The following PCNX1 variants were observed in gnomAD, a reference collection of about 807,000 sequenced individuals.
The protein encoded by PCNX1 is pecanex 1.
In PCNX1, 78 loss-of-function variants were observed where a neutral mutation model predicts 242.2. The observed-to-expected ratio is 0.32, with a 90% CI of 0.27 to 0.39. The LOEUF is 0.39. Among genes scored for constraint, PCNX1 ranks in the 10% least tolerant of loss-of-function variants. The pLI is 1.00. For synonymous variants in PCNX1, 1,024 were observed against 1,032.9 expected (o/e 0.99, Z 0.17); for missense variants, 2,581 against 2,856.5 (o/e 0.90, Z 2.20).
chr14:71,067,050 G>T (rs1476034981), intron 26 of PCNX1, among the ~76,000 whole-genome samples: 1 of 151,926 alleles, frequency 6.6e-6, no homozygotes, highest in Non-Finnish European at 1.5e-5. Context: ...TGTTCATCAG[G>T]TATATTGGCC....
chr14:71,079,772 C>A (rs2061806165), intron 28 of PCNX1, among the ~76,000 whole-genome samples: 1 of 151,804 alleles, frequency 6.6e-6, no homozygotes, highest in East Asian at 1.9e-4. Flanking sequence ...TGGATATTAG[C>A]CCTTTGTCAG....
At position 71,102,152 on chromosome 14, in the gene PCNX1, G is replaced by T. The variant is rs765866576; in HGVS notation, c.5752G>T (p.Asp1918Tyr). The change falls in exon 31 of 36, where the codon GAT (aspartate) becomes TAT (tyrosine). Residue 1918 changes from aspartate (D) to tyrosine (Y), a missense_variant. By Grantham distance (160) the Asp-to-Tyr change is radical (BLOSUM62 -3). Transcript: ENST00000304743. ...CTTGCTTGCTCTGCGGCATGTCATGGATGATGGCACCAATGAATATAAAAT... is the reference window on the plus strand; with the variant it reads ...CTTGCTTGCTCTGCGGCATGTCATGTATGATGGCACCAATGAATATAAAAT... ...PSLLALRHVM[D>Y]DGTNEYKIIM... 6.2e-7 allele frequency: 1 copy of T among 1,614,018 alleles called. No homozygotes were observed. The highest frequency in any genetic ancestry group is 8.5e-7 in the Non-Finnish European group (1 of 1,180,014).
intron 31 of PCNX1, 52 bp downstream of exon 31, chr14:71,102,272 G>A: frequency 7.0e-7 from 1 of 1,434,354 alleles, no homozygotes; most frequent in Non-Finnish European, 9.7e-7. Flanking sequence ...TGAATAACTT[G>A]ATCTAAAATT....
intron 2 of PCNX1, among the ~76,000 whole-genome samples, chr14:70,961,219 G>T (rs1381034362): frequency 6.6e-6 from 1 of 152,090 alleles, no homozygotes; most frequent in African/African-American, 2.4e-5. Flanking sequence ...TCAATCCTAA[G>T]CCAAAAGAAC....
At chr14:70,939,142 T>C (rs1361155688) in intron 1 of PCNX1, among the ~76,000 whole-genome samples, 1 of 152,214 alleles carries the variant, frequency 6.6e-6, no homozygotes, top group Non-Finnish European at 1.5e-5. Context: ...TCAGTTCTGC[T>C]CTGATCTTAG....
chr14:70,914,030 CTT>C (rs1272533723), intron 1 of PCNX1, among the ~76,000 whole-genome samples: 1 of 152,086 alleles, frequency 6.6e-6, no homozygotes, highest in Non-Finnish European at 1.5e-5. Context: ...AGATATAACT[CTT>C]ATGTATTATA....
chr14:71,103,621 C>G lies in PCNX1; in HGVS notation c.6047C>G (p.Pro2016Arg). The change falls in exon 32 of 36, where the codon CCT becomes CGT. Residue 2016 changes from proline to arginine, a missense_variant. By Grantham distance (103) the Pro-to-Arg change is moderately radical. Around this residue, in one of 9 missense-constraint regions of PCNX1, gnomAD observed 432 missense variants for 433.6 expected, o/e 1.00. Coordinates refer to ENST00000304743, the MANE Select transcript of PCNX1 (RefSeq NM_014982.3). ...HEQLKDILGG[P>R]ISLGNIRNFI... is the part of the protein sequence containing the mutation. ...CAGCTTAAAGACATTCTTGGGGGTC[C>G]TATCAGCTTGGGAAATATCAGGAAC... 1 of 1,614,116 alleles carries G rather than the reference C, an allele frequency of 6.2e-7. No homozygotes were observed. Among genetic ancestry groups the G allele is most frequent in the Non-Finnish European group, 8.5e-7 (1 of 1,179,970 alleles).
At chr14:70,929,879 C>T (rs2056726332) in intron 1 of PCNX1, among the ~76,000 whole-genome samples, 1 of 152,010 alleles carries the variant, frequency 6.6e-6, no homozygotes, top group South Asian at 2.1e-4. Flanking sequence ...AAAGGATATA[C>T]GTAACATTTT....
chr14:70,958,572 T>C (rs780358245), intron 2 of PCNX1, among the ~76,000 whole-genome samples: 4 of 152,150 alleles, frequency 2.6e-5, no homozygotes, highest in Admixed American at 6.5e-5. Flanking sequence ...CAGTCTCTGT[T>C]CTTTTCTATT....
At chr14:71,040,314 C>T (rs2060668380) in intron 19 of PCNX1, among the ~76,000 whole-genome samples, 1 of 152,118 alleles carries the variant, frequency 6.6e-6, no homozygotes, top group Non-Finnish European at 1.5e-5. Context: ...ACTGTCTTCT[C>T]CCTTTTATTG....
At chr14:70,993,848 G>T (rs2059246539) in intron 7 of PCNX1, among the ~76,000 whole-genome samples, 1 of 152,136 alleles carries the variant, frequency 6.6e-6, no homozygotes, top group African/African-American at 2.4e-5. Context: ...GGTAAGGTTT[G>T]TGGATAAGTT....
intron 1 of PCNX1, among the ~76,000 whole-genome samples, chr14:70,910,218 C>CCTCCTTCTCCTCCTCCTCCTCCTCCTT: frequency 1.4e-5 from 1 of 69,440 alleles, no homozygotes; most frequent in Non-Finnish European, 3.3e-5. Flanking sequence ...TCCTCCTCCT[C>CCTCCTTCTCCTCCTCCTCCTCCTCCTT]CTCCTCCTCC....
At chr14:71,000,176 C>A (rs2059461858) in intron 8 of PCNX1, among the ~76,000 whole-genome samples, 1 of 151,968 alleles carries the variant, frequency 6.6e-6, no homozygotes, top group South Asian at 2.1e-4. Flanking sequence ...AAAAATACTT[C>A]ATTATATTTC....
At position 70,949,030 on chromosome 14, in the gene PCNX1, G is replaced by A. The variant is rs370596051; in HGVS notation, c.362+1907G>A. On this transcript the variant is annotated intron_variant, in intron 2 of 35. Transcript: ENST00000304743. ...TTACTCGTATAAATAAAATGTGTGT[G>A]TATATATACACATGTATATATAGAT... Among the ~76,000 whole-genome samples, 52 of 145,524 alleles carry A rather than the reference G, an allele frequency of 3.6e-4. No homozygotes were observed. The South Asian group carries it at 0.01, about 29-fold the overall frequency.
At position 70,949,429 on chromosome 14, in the gene PCNX1, G is replaced by A. The variant is rs971926690; in HGVS notation, c.362+2306G>A. ...TACATATATATGTACATATATACACGTATATATGTGTATATATGTATAATA... is the reference window on the plus strand; with the variant it reads ...TACATATATATGTACATATATACACATATATATGTGTATATATGTATAATA... On this transcript the variant is annotated intron_variant, in intron 2 of 35. Coordinates refer to ENST00000304743, the MANE Select transcript of PCNX1 (RefSeq NM_014982.3). Among the ~76,000 whole-genome samples, 16 of 150,238 alleles carry A rather than the reference G, an allele frequency of 1.1e-4. No homozygotes were observed. In the South Asian group the frequency reaches 1.5e-3, roughly 14 times the overall value.
intron 28 of PCNX1, among the ~76,000 whole-genome samples, chr14:71,087,106 C>A (rs907595013): frequency 6.6e-6 from 1 of 152,106 alleles, no homozygotes; most frequent in East Asian, 1.9e-4. Context: ...TTTTATCACC[C>A]GTTGTAACTA....
chr14:71,060,120 G>A (rs1052611150), intron 26 of PCNX1, among the ~76,000 whole-genome samples: 11 of 152,162 alleles, frequency 7.2e-5, no homozygotes, highest in African/African-American at 2.7e-4. Context: ...GCAATGGACT[G>A]CACATATCAC....
rs1250597219 is a variant in PCNX1, at chr14:71,076,269, G to A, written c.5187G>A (p.Leu1729=). ...AGACAATGCAGGAAGGACTTCGTCT[G>A]TGTGCTGATCGCAATTATGTCGATG... The part of the protein sequence containing the change: ...ANETMQEGLR[L]CADRNYVDVD... The change falls in exon 28 of 36, where the codon CTG becomes CTA. Residue 1729 remains leucine, a synonymous_variant. Transcript: ENST00000304743. 1 of 1,613,960 alleles carries A rather than the reference G, an allele frequency of 6.2e-7. No homozygotes were observed. The highest frequency in any genetic ancestry group is 8.5e-7 in the Non-Finnish European group (1 of 1,179,942).
chr14:71,050,830 A>G (rs2035625948), intron 23 of PCNX1, 70 bp downstream of exon 23: 6 of 1,344,882 alleles, frequency 4.5e-6, no homozygotes, highest in Non-Finnish European at 6.2e-6. Flanking sequence ...GTTTATAGGC[A>G]TGACCTTTCA....
Sources: allele counts gnomAD v4.1 joint callset (sites outside exome capture counted in the v4.1 genomes callset), GRCh38; gene constraint gnomAD v4.1.1; regional missense constraint gnomAD v4.1.1; transcripts MANE v1.5; gene names NCBI Gene and HGNC (gene_info 2026-07-23, HGNC 2026-07-21).